The following SLC20A1 variants were observed in gnomAD, a reference collection of about 807,000 sequenced individuals.
The protein encoded by SLC20A1 is sodium-dependent phosphate transporter 1.
A neutral mutation model predicts 62.7 loss-of-function variants in SLC20A1; 28 were observed. That is an observed-to-expected ratio of 0.45 (90% CI 0.33 to 0.61). The LOEUF (loss-of-function observed/expected upper bound fraction) is 0.61. Among genes scored for constraint, SLC20A1 ranks in the 20% least tolerant of loss-of-function variants. The pLI is 0.02. For missense variants in SLC20A1, 673 were observed against 838.6 expected, an observed-to-expected ratio of 0.80 and a Z score of 2.44; for synonymous variants, 305 against 302.9, an observed-to-expected ratio of 1.01 and a Z score of -0.07.
chr2:112,649,882 T>G (rs1395256399), intron 4 of SLC20A1, among the ~76,000 whole-genome samples: 2 of 152,232 alleles, frequency 1.3e-5, no homozygotes, highest in Non-Finnish European at 2.9e-5. Context: ...TGTGAAGACC[T>G]TTCCTGTCCC....
rs142270568 is a variant in SLC20A1 at position 112,661,681 on chromosome 2, T to C, written c.1878+455T>C. ...CTTGTGCTTCAGCCTCTCAAGTAGC[T>C]GGGATTATAGGCACCCGCCACCATG... On this transcript the variant is annotated intron_variant, in intron 10 of 10. Transcript: ENST00000272542. 7.8e-4 allele frequency among the ~76,000 whole-genome samples: 119 copies of C among 152,230 alleles called. 2 individuals carry two copies. The East Asian group carries it at 0.022, about 28-fold the overall frequency.
chr2:112,647,001 C>A lies in SLC20A1; in HGVS notation c.173C>A (p.Thr58Asn). 1 of 1,614,066 alleles carries A rather than the reference C, an allele frequency of 6.2e-7. No individual in the cohort carries two copies. The highest frequency in any genetic ancestry group is 8.5e-7 in the Non-Finnish European group (1 of 1,180,026). ...ACAGCTGTGGGCTCAGGTGTAGTGA[C>A]CCTGAAGCAAGCCTGCATCCTAGCT... ...FGTAVGSGVV[T>N]LKQACILASI... Residue 58 changes from threonine to asparagine, a missense_variant, in exon 2 of 11, where the codon ACC becomes AAC. Physicochemically the swap from Thr to Asn is moderately conservative, Grantham distance 65. Transcript: ENST00000272542.
chr2:112,659,806 C>T (rs1686699699), intron 8 of SLC20A1, 44 bp downstream of exon 8: 2 of 1,527,764 alleles, frequency 1.3e-6, no homozygotes, highest in African/African-American at 2.7e-5. Context: ...TATTTTTAAA[C>T]CATTTATCCT....
In SLC20A1 at chr2:112,646,567, A is replaced by C. The variant is rs1028607443; in HGVS notation, c.-262A>C. ...TATTTCCCCCCTCCCCCGCAGGATG[A>C]ACTTGCGTCCTTTCTCTTCTCCGCC... On this transcript the variant is annotated 5_prime_UTR_variant, in exon 2 of 11. Coordinates refer to ENST00000272542, the MANE Select transcript of SLC20A1 (RefSeq NM_005415.5). 1.2e-5 allele frequency: 2 copies of C among 172,218 alleles called. No individual in the cohort carries two copies. Among genetic ancestry groups the C allele is most frequent in the African/African-American group, 4.8e-5 (2 of 41,936 alleles). 10.7% of individuals were successfully genotyped at this position (172,218 alleles called of 1,614,324 possible).
At chr2:112,652,606 G>A in intron 4 of SLC20A1, 96 bp from the exon 5 acceptor site, 1 of 911,902 alleles carries the variant, frequency 1.1e-6, no homozygotes, top group South Asian at 1.4e-5. Flanking sequence ...AGAGTTATTG[G>A]CACTATAATT....
chr2:112,652,680 T>C (rs1241786823), intron 4 of SLC20A1, 22 bp from the exon 5 acceptor site: 2 of 1,570,392 alleles, frequency 1.3e-6, no homozygotes, highest in East Asian at 2.2e-5. Context: ...TTTAAGATAT[T>C]GATCTTAATG....
intron 4 of SLC20A1, 21 bp from the exon 5 acceptor site, chr2:112,652,681 G>A (rs749392433): frequency 6.4e-7 from 1 of 1,572,504 alleles, no homozygotes; most frequent in Non-Finnish European, 8.8e-7. Flanking sequence ...TTAAGATATT[G>A]ATCTTAATGA....
At chr2:112,650,064 T>C (rs1379262982) in intron 4 of SLC20A1, among the ~76,000 whole-genome samples, 1 of 152,212 alleles carries the variant, frequency 6.6e-6, no homozygotes, top group Non-Finnish European at 1.5e-5. Flanking sequence ...ACTATTGGTA[T>C]AGTAGTGTCA....
Position 112,647,010 on chromosome 2 carries a change from A to C in SLC20A1, c.182A>C (p.Gln61Pro). 9 of 1,614,168 alleles carry C rather than the reference A, an allele frequency of 5.6e-6. No homozygotes were observed. The highest frequency in any genetic ancestry group is 7.6e-6 in the Non-Finnish European group (9 of 1,180,046). Residue 61 changes from glutamine (Q) to proline (P), a missense_variant, in exon 2 of 11, where the codon CAA becomes CCA. Gln to Pro is a moderately conservative substitution (Grantham distance 76). Transcript: ENST00000272542. ...AVGSGVVTLK[Q>P]ACILASIFET... ...GGCTCAGGTGTAGTGACCCTGAAGCAAGCCTGCATCCTAGCTAGCATCTTT... is the reference window on the plus strand; with the variant it reads ...GGCTCAGGTGTAGTGACCCTGAAGCCAGCCTGCATCCTAGCTAGCATCTTT...
rs751755308 is a variant in SLC20A1 at position 112,660,414 on chromosome 2, A to G, written c.1635A>G (p.Leu545=). The change falls in exon 9 of 11, where the codon TTA becomes TTG. Residue 545 remains leucine (L), a synonymous_variant. Coordinates refer to ENST00000272542, the MANE Select transcript of SLC20A1 (RefSeq NM_005415.5). ...ATGCCATTGGGCCTCTGGTTGCTTT[A>G]TATTTGGTTTATGACACAGGAGATG... ...VSNAIGPLVA[L]YLVYDTGDVS... 5 of 1,614,056 alleles carry G rather than the reference A, an allele frequency of 3.1e-6. No individual in the cohort carries two copies. In the South Asian group the frequency reaches 5.5e-5, roughly 18 times the overall value.
chr2:112,650,581 T>C (rs1686406765), intron 4 of SLC20A1, among the ~76,000 whole-genome samples: 1 of 152,148 alleles, frequency 6.6e-6, no homozygotes, highest in Admixed American at 6.5e-5. Context: ...TCTGTCCGTC[T>C]TGGCCTCCCA....
rs1686561527 is a variant in SLC20A1 at position 112,655,542 on chromosome 2, AC to A, written c.659-1578del. Among the ~76,000 whole-genome samples, 4 of 80,798 alleles carry A rather than the reference AC, an allele frequency of 5.0e-5. No individual in the cohort carries two copies. In the Admixed American group the frequency reaches 5.1e-4, roughly 10 times the overall value. The allele number at this position is 80,798 out of a possible 152,430, so 53.0% of individuals were successfully genotyped here. ...TTATGGGTTTTTTTTTTTTTTTTTT[AC>A]CTTTTTTGTTTTTCAGGGATGGGGT... On this transcript the variant is annotated intron_variant, in intron 5 of 10. Transcript: ENST00000272542.
At chr2:112,649,832 A>G (rs1275877313) in intron 4 of SLC20A1, among the ~76,000 whole-genome samples, 4 of 152,332 alleles carry the variant, frequency 2.6e-5, no homozygotes, top group South Asian at 2.1e-4. Context: ...AGAATATCCA[A>G]TATGTAAAAG....
At chr2:112,662,342 G>A (rs1419405497) in intron 10 of SLC20A1, among the ~76,000 whole-genome samples, 1 of 152,210 alleles carries the variant, frequency 6.6e-6, no homozygotes, top group Non-Finnish European at 1.5e-5. Flanking sequence ...AGCACTTTGG[G>A]AGGCCAAGGC....
chr2:112,648,519 A>G (rs1686345175), intron 4 of SLC20A1, among the ~76,000 whole-genome samples: 1 of 152,190 alleles, frequency 6.6e-6, no homozygotes, highest in African/African-American at 2.4e-5. Flanking sequence ...AAGTGTTCCT[A>G]AACTGTAGAA....
rs770750611 is a variant in SLC20A1 at position 112,658,911 on chromosome 2, G to T, written c.865G>T (p.Val289Phe). 23 of 1,614,072 alleles carry T rather than the reference G, an allele frequency of 1.4e-5. No individual in the cohort carries two copies. ...KEDHEETKLS[V>F]GDIENKHPVS... ...AGACCATGAAGAAACAAAGTTGTCTGTTGGTGATATTGAAAACAAGCATCC... is the reference window on the plus strand; with the variant it reads ...AGACCATGAAGAAACAAAGTTGTCTTTTGGTGATATTGAAAACAAGCATCC... Residue 289 changes from valine (V) to phenylalanine (F), a missense_variant, in exon 7 of 11, where the codon GTT becomes TTT. By Grantham distance (50) the Val-to-Phe change is conservative (BLOSUM62 -1). Coordinates refer to ENST00000272542, the MANE Select transcript of SLC20A1 (RefSeq NM_005415.5).
At position 112,647,664 on chromosome 2, in the gene SLC20A1, T is replaced by G; in HGVS notation, c.487T>G (p.Phe163Val). The part of the protein sequence containing the change: ...SELIKIVMSW[F>V]VSPLLSGIMS... ...GTGTTCTATTCCAGTGATGTCTTGG[T>G]TCGTGTCCCCACTGCTTTCTGGAAT... The change falls in exon 4 of 11, where the codon TTC becomes GTC. Residue 163 changes from phenylalanine to valine, a missense_variant. By Grantham distance (50) the Phe-to-Val change is conservative. Transcript: ENST00000272542. The G allele has an allele frequency of 6.2e-7, 1 of 1,613,656 alleles. No individual in the cohort carries two copies. Among genetic ancestry groups the G allele is most frequent in the Non-Finnish European group, 8.5e-7 (1 of 1,179,514 alleles).
Position 112,659,610 on chromosome 2 carries a change from G to A in SLC20A1, c.1455G>A (p.Lys485=). The A allele has an allele frequency of 6.2e-7, 1 of 1,614,176 alleles. No homozygotes were observed. The highest frequency in any genetic ancestry group is 1.7e-5 in the Admixed American group (1 of 60,032). The stretch of plus-strand genomic sequence containing the variant: ...CATCTGAGATAGACATGAGTGTCAA[G>A]GCAGAGATGGGTCTAGGTGACAGAA... ...HSASEIDMSV[K]AEMGLGDRKG... The change falls in exon 8 of 11, where the codon AAG becomes AAA. Residue 485 remains lysine, a synonymous_variant. Transcript: ENST00000272542.
intron 4 of SLC20A1, among the ~76,000 whole-genome samples, chr2:112,649,330 A>G (rs1209444484): frequency 6.6e-6 from 1 of 152,168 alleles, no homozygotes; most frequent in African/African-American, 2.4e-5. Context: ...GACTTTGAGG[A>G]TCTTCCCCCA....
Sources: allele counts gnomAD v4.1 joint callset (sites outside exome capture counted in the v4.1 genomes callset), GRCh38; gene constraint gnomAD v4.1.1; transcripts MANE v1.5; gene names NCBI Gene and HGNC (gene_info 2026-07-23, HGNC 2026-07-21).